Variants in BDKRB2 observed in about 807,000 individuals in gnomAD.
BDKRB2 encodes B2 bradykinin receptor.
In BDKRB2, 6 loss-of-function variants were observed where a neutral mutation model predicts 4.0. The observed-to-expected ratio is 1.49, with a 90% confidence interval of 0.81 to 2.93. BDKRB2 has a LOEUF of 2.93. Ranked by LOEUF, BDKRB2 falls within the 30% of genes most tolerant of loss-of-function variation. The probability of loss-of-function intolerance (pLI) is 0.00; values close to 1 mark genes in which losing one functional copy is unlikely to be tolerated. For missense variants in BDKRB2, 478 were observed against 520.1 expected (o/e 0.92, Z 0.79); for synonymous variants, 225 against 215.3 (o/e 1.05, Z -0.40).
At chr14:96,237,627 A>T in intron 2 of BDKRB2, 1 of 1,247,436 alleles carries the variant, frequency 8.0e-7, no homozygotes, top group Non-Finnish European at 1.0e-6. Flanking sequence ...CCAGAGTAGA[A>T]GCAGAGGATA....
Position 96,240,992 on chromosome 14 carries a change from G to A in BDKRB2, c.664G>A (p.Val222Met), listed in dbSNP as rs1885274129. The change falls in exon 3 of 3, where the codon GTG becomes ATG. Residue 222 changes from valine to methionine, a missense_variant. Coordinates refer to ENST00000554311, the MANE Select transcript of BDKRB2 (RefSeq NM_001379692.1). ...CAGCTACCCATCCCTCATCTGGGAA[G>A]TGTTCACCAACATGCTCCTGAATGT... ...VISYPSLIWEVFTNMLLNVVG... is the reference protein window; with the variant it reads ...VISYPSLIWEMFTNMLLNVVG... 1 of 1,599,924 alleles carries A rather than the reference G, an allele frequency of 6.3e-7. No homozygotes were observed. Among genetic ancestry groups the A allele is most frequent in the Non-Finnish European group, 8.5e-7 (1 of 1,170,324 alleles).
At chr14:96,218,489 A>G (rs954236891) in intron 1 of BDKRB2, among the ~76,000 whole-genome samples, 13 of 152,118 alleles carry the variant, frequency 8.5e-5, no homozygotes, top group Admixed American at 7.9e-4. Context: ...AGTGAGGGCA[A>G]TGCTACTGGC....
At chr14:96,210,388 T>C (rs1365431552) in intron 1 of BDKRB2, among the ~76,000 whole-genome samples, 1 of 152,166 alleles carries the variant, frequency 6.6e-6, no homozygotes, top group Admixed American at 6.5e-5. Flanking sequence ...GGAGAAAGCA[T>C]GTAGGAAGAG....
rs556823211 is a variant in BDKRB2, at chr14:96,206,209, C to T, written c.-40+1250C>T. 9.8e-5 allele frequency among the ~76,000 whole-genome samples: 15 copies of T among 152,302 alleles called. No homozygotes were observed. In the South Asian group the frequency reaches 1.7e-3, roughly 17 times the overall value. On this transcript the variant is annotated intron_variant, in intron 1 of 2. Coordinates refer to ENST00000554311, the MANE Select transcript of BDKRB2 (RefSeq NM_001379692.1). ...TTGGAGGAAGCATTTGCTGTTTCCCCTGCTTGGGGTGAGAGCAGGGGACAG... is the reference window on the plus strand; with the variant it reads ...TTGGAGGAAGCATTTGCTGTTTCCCTTGCTTGGGGTGAGAGCAGGGGACAG...
intron 1 of BDKRB2, among the ~76,000 whole-genome samples, chr14:96,231,224 A>C (rs1043346984): frequency 8.5e-5 from 13 of 152,210 alleles, no homozygotes; most frequent in Non-Finnish European, 1.2e-4. Flanking sequence ...GTCCCCACTG[A>C]AAGTGTTTCC....
At chr14:96,218,088 C>T (rs1890469025) in intron 1 of BDKRB2, among the ~76,000 whole-genome samples, 1 of 152,046 alleles carries the variant, frequency 6.6e-6, no homozygotes, top group African/African-American at 2.4e-5. Context: ...AAAGGACTGT[C>T]GTGCAAACCC....
intron 1 of BDKRB2, among the ~76,000 whole-genome samples, chr14:96,232,841 T>A (rs1890848639): frequency 6.6e-6 from 1 of 152,154 alleles, no homozygotes; most frequent in South Asian, 2.1e-4. Context: ...TAACGTGCAG[T>A]CAGAAAATAC....
At chr14:96,225,024 G>A (rs893246068) in intron 1 of BDKRB2, among the ~76,000 whole-genome samples, 2 of 133,552 alleles carry the variant, frequency 1.5e-5, no homozygotes, top group African/African-American at 5.0e-5. Flanking sequence ...CCCAGTGAAG[G>A]GGAACTTGCT....
At chr14:96,216,720 AAGG>A (rs71397752) in intron 1 of BDKRB2, among the ~76,000 whole-genome samples, 12 of 62,374 alleles carry the variant, frequency 1.9e-4, no homozygotes, top group Non-Finnish European at 2.9e-4. Flanking sequence ...GAGGAAGAGG[AAGG>A]AGGAGGAGGA....
intron 1 of BDKRB2, among the ~76,000 whole-genome samples, chr14:96,235,667 C>G (rs768105107): frequency 1.3e-5 from 2 of 152,166 alleles, no homozygotes; most frequent in African/African-American, 4.8e-5. Flanking sequence ...CTGAACTGAC[C>G]GTTGTCTGAT....
chr14:96,234,102 A>G (rs1016112164), intron 1 of BDKRB2: 5 of 152,238 alleles, frequency 3.3e-5, no homozygotes, highest in Non-Finnish European at 2.9e-5. Context: ...CTGACTTTAT[A>G]TTCCCAGGAT....
At position 96,237,100 on chromosome 14, in the gene BDKRB2, G is replaced by A. The variant is rs200660157; in HGVS notation, c.-8G>A. The A allele has an allele frequency of 6.2e-7, 1 of 1,612,696 alleles. No homozygotes were observed. The highest frequency in any genetic ancestry group is 1.1e-5 in the South Asian group (1 of 91,052). ...TGTGGCCTCACTCACATCCCACTCT[G>A]AGTCCAAATGTTCTCTCCCTGGAAG... On this transcript the variant is annotated 5_prime_UTR_variant, in exon 2 of 3. The change abolishes the stop of an existing upstream ORF in the 5' untranslated region. Transcript: ENST00000554311.
chr14:96,237,087 C>T lies in BDKRB2; in HGVS notation c.-21C>T, dbSNP rs759067342. 4.4e-6 allele frequency: 7 copies of T among 1,605,400 alleles called. No individual in the cohort carries two copies. In the South Asian group the frequency reaches 7.7e-5, roughly 18 times the overall value. On this transcript the variant is annotated 5_prime_UTR_variant, in exon 2 of 3. Transcript: ENST00000554311. ...TGTTCAGCCCAGGTGTGGCCTCACT[C>T]ACATCCCACTCTGAGTCCAAATGTT...
intron 1 of BDKRB2, among the ~76,000 whole-genome samples, chr14:96,225,932 C>A (rs905238447): frequency 5.9e-5 from 9 of 152,180 alleles, no homozygotes; most frequent in Non-Finnish European, 1.0e-4. Context: ...AGGGCCTGTG[C>A]CATCCCCAGG....
At chr14:96,205,830 G>C (rs548278231) in intron 1 of BDKRB2, among the ~76,000 whole-genome samples, 2 of 152,210 alleles carry the variant, frequency 1.3e-5, no homozygotes, top group African/African-American at 2.4e-5. Flanking sequence ...GCCGTGATTC[G>C]AGTTGCTGAG....
At chr14:96,228,379 CATCCAGGAAGA>C (rs753899106) in intron 1 of BDKRB2, among the ~76,000 whole-genome samples, 74 of 152,218 alleles carry the variant, frequency 4.9e-4, no homozygotes, top group Non-Finnish European at 1.0e-4. Flanking sequence ...CCTTGTCTGG[CATCCAGGAAGA>C]ATCAGGTCAC....
chr14:96,227,596 CA>C (rs1890726088), intron 1 of BDKRB2, among the ~76,000 whole-genome samples: 1 of 152,002 alleles, frequency 6.6e-6, no homozygotes, highest in Non-Finnish European at 1.5e-5. Context: ...CATGCACACA[CA>C]AACACATGCA....
chr14:96,220,622 C>T (rs1289970651), intron 1 of BDKRB2, among the ~76,000 whole-genome samples: 2 of 150,502 alleles, frequency 1.3e-5, no homozygotes, highest in Admixed American at 1.3e-4. Flanking sequence ...CCTCCCTCCC[C>T]ACCCCCTTTA....
chr14:96,213,268 C>A (rs551341448), intron 1 of BDKRB2, among the ~76,000 whole-genome samples: 1 of 152,144 alleles, frequency 6.6e-6, no homozygotes, highest in Non-Finnish European at 1.5e-5. Context: ...CAGGGCTCCC[C>A]TCAGCTCAGA....
Sources: gnomAD v4.1 joint callset for allele counts (sites outside exome capture counted in the v4.1 genomes callset) on GRCh38, gnomAD v4.1.1 for gene constraint, MANE v1.5 for transcripts, NCBI Gene and HGNC (gene_info 2026-07-23, HGNC 2026-07-21) for gene names.